Variants in DNAH8 observed in about 807,000 individuals in gnomAD.
DNAH8 encodes the protein dynein axonemal heavy chain 8.
DNAH8 carries 382 observed loss-of-function variants against 562.1 expected under a neutral mutation model. The ratio of observed to expected loss-of-function variants is 0.68; its 90% confidence interval spans 0.63 to 0.74. The LOEUF (loss-of-function observed/expected upper bound fraction) is 0.74. Among genes scored for constraint, DNAH8 ranks in the 30% least tolerant of loss-of-function variants. The probability of loss-of-function intolerance (pLI) is 0.00; values close to 1 mark genes in which losing one functional copy is unlikely to be tolerated. For synonymous variants in DNAH8, 1,881 were observed against 1,919.4 expected (o/e 0.98, Z 0.52); for missense variants, 5,203 against 5,620.4 (o/e 0.93, Z 2.37).
chr6:38,769,488 A>G lies in DNAH8; in HGVS notation c.1618-925A>G, dbSNP rs146742804. 3.3e-3 allele frequency among the ~76,000 whole-genome samples: 486 copies of G among 149,130 alleles called. 3 individuals are homozygous for G. Among genetic ancestry groups the G allele is most frequent in the African/African-American group, 0.011 (452 of 41,326 alleles). ...GGAAAGAATGAGGCCAATTATTCTC[A>G]GATCTGAATATTTATAGGAATCACT... On this transcript the variant is annotated intron_variant, in intron 11 of 92. Coordinates refer to ENST00000327475, the MANE Select transcript of DNAH8 (RefSeq NM_001206927.2).
intron 55 of DNAH8, 39 bp downstream of exon 55, chr6:38,883,495 A>G: frequency 1.3e-6 from 2 of 1,558,610 alleles, no homozygotes; most frequent in Non-Finnish European, 1.7e-6. Context: ...TAAACATAAT[A>G]CATTTTAAAT....
intron 89 of DNAH8, among the ~76,000 whole-genome samples, chr6:39,009,940 A>C (rs560730431): frequency 6.6e-6 from 1 of 152,304 alleles, no homozygotes; most frequent in Non-Finnish European, 1.5e-5. Flanking sequence ...TATTGGTGTG[A>C]TCTTCAAAAA....
chr6:38,748,679 A>G (rs972921745), intron 8 of DNAH8, among the ~76,000 whole-genome samples: 31 of 151,468 alleles, frequency 2.0e-4, no homozygotes, highest in Non-Finnish European at 3.4e-4. Context: ...GCGTGAACCC[A>G]GGAGGTGGAG....
rs1402033581 is a variant in DNAH8 at position 38,908,086 on chromosome 6, G to C, written c.9479G>C (p.Arg3160Thr). The stretch of plus-strand genomic sequence containing the variant: ...TATGAATACTTCATTTCAAGATCAA[G>C]GAAGAACTTACATGTTGTTCTCTGC... ...NLYEYFISRS[R>T]KNLHVVLCFS... is the part of the protein sequence containing the mutation. Residue 3160 changes from arginine to threonine, a missense_variant, in exon 64 of 93, where the codon AGG becomes ACG. Physicochemically the swap from Arg to Thr is moderately conservative, Grantham distance 71. Transcript: ENST00000327475. 3 of 1,598,304 alleles carry C rather than the reference G, an allele frequency of 1.9e-6. No individual in the cohort carries two copies. Among genetic ancestry groups the C allele is most frequent in the Non-Finnish European group, 2.6e-6 (3 of 1,173,740 alleles).
At chr6:38,814,445 G>T (rs1455202763) in intron 25 of DNAH8, among the ~76,000 whole-genome samples, 2 of 152,270 alleles carry the variant, frequency 1.3e-5, no homozygotes, top group East Asian at 1.9e-4. Flanking sequence ...GCCAGTTGTG[G>T]TGGTAGGTGC....
intron 73 of DNAH8, 109 bp from the exon 74 acceptor site, chr6:38,925,946 G>A: frequency 9.1e-7 from 1 of 1,096,394 alleles, no homozygotes; most frequent in Non-Finnish European, 1.2e-6. Flanking sequence ...TAGTCTCAAA[G>A]GAAAATAATG....
In DNAH8 at chr6:38,865,579, T is replaced by C. The variant is rs1233276292; in HGVS notation, c.6499-1012T>C. On this transcript the variant is annotated intron_variant, in intron 45 of 92. Transcript: ENST00000327475. ...AAGGTCACCTTATGAACCAAGATGCTACAGAAAGCATCTCTATTGTGTTGC... is the reference window on the plus strand; with the variant it reads ...AAGGTCACCTTATGAACCAAGATGCCACAGAAAGCATCTCTATTGTGTTGC... 2.0e-5 allele frequency among the ~76,000 whole-genome samples: 3 copies of C among 152,246 alleles called. No individual in the cohort carries two copies. The East Asian group carries it at 5.8e-4, about 29-fold the overall frequency.
intron 91 of DNAH8, 65 bp downstream of exon 91, chr6:39,012,702 G>A (rs1053473725): frequency 1.6e-6 from 2 of 1,258,938 alleles, no homozygotes; most frequent in African/African-American, 1.5e-5. Flanking sequence ...AGCATCGTGT[G>A]ATAAATATAT....
chr6:38,931,662 T>C, intron 75 of DNAH8, 149 bp from the exon 76 acceptor site: 2 of 471,050 alleles, frequency 4.2e-6, no homozygotes, highest in Non-Finnish European at 7.6e-6. Flanking sequence ...GGCTTTATTA[T>C]TTAAGATCAG....
At chr6:38,731,429 C>G (rs1192112935) in intron 4 of DNAH8, among the ~76,000 whole-genome samples, 1 of 152,168 alleles carries the variant, frequency 6.6e-6, no homozygotes, top group Non-Finnish European at 1.5e-5. Flanking sequence ...TTTATCCAAT[C>G]AAAATGTTAA....
intron 66 of DNAH8, among the ~76,000 whole-genome samples, chr6:38,912,799 T>C (rs1308453313): frequency 3.3e-5 from 5 of 151,976 alleles, no homozygotes; most frequent in Non-Finnish European, 7.4e-5. Context: ...CCCTTCTTAG[T>C]TTTACTCTTT....
chr6:38,909,264 G>A (rs1269178570), intron 64 of DNAH8, among the ~76,000 whole-genome samples: 8 of 152,174 alleles, frequency 5.3e-5, no homozygotes, highest in Non-Finnish European at 7.3e-5. Context: ...AAGAGTACTA[G>A]TTTATCAGTT....
At position 38,913,963 on chromosome 6, in the gene DNAH8, A is replaced by G; in HGVS notation, c.9963+11A>G. Reference sequence around the variant, plus strand: ...ATAAAAGCAGACGAAGTGAGTTTGCATTTATTTTATCACTGATGAGGAATA... The same window carrying G: ...ATAAAAGCAGACGAAGTGAGTTTGCGTTTATTTTATCACTGATGAGGAATA... On this transcript the variant is annotated intron_variant, in intron 67 of 92. Coordinates refer to ENST00000327475, the MANE Select transcript of DNAH8 (RefSeq NM_001206927.2). 1.9e-6 allele frequency: 3 copies of G among 1,592,276 alleles called. No homozygotes were observed. The highest frequency in any genetic ancestry group is 1.7e-6 in the Non-Finnish European group (2 of 1,160,852).
At chr6:38,715,958 A>ATTTT (rs1454056787) in intron 1 of DNAH8, among the ~76,000 whole-genome samples, 1 of 31,048 alleles carries the variant, frequency 3.2e-5, no homozygotes, top group African/African-American at 2.2e-4. Flanking sequence ...ATATATATAT[A>ATTTT]TATTTTTTTT....
rs760891010 is a variant in DNAH8, at chr6:38,921,353, G to A, written c.10525-16G>A. 22 of 1,610,674 alleles carry A rather than the reference G, an allele frequency of 1.4e-5. No individual in the cohort carries two copies. The highest frequency in any genetic ancestry group is 5.5e-5 in the South Asian group (5 of 90,310). On this transcript the variant is annotated splice_polypyrimidine_tract_variant and intron_variant, in intron 70 of 92. Transcript: ENST00000327475. Reference sequence around the variant, plus strand: ...TTCATGCAGCTAATACACTAACCACGTCTTCTTCTTTTCAGGCCAACCTGG... The same window carrying A: ...TTCATGCAGCTAATACACTAACCACATCTTCTTCTTTTCAGGCCAACCTGG...
chr6:38,888,688 C>A (rs1779128683), intron 57 of DNAH8, among the ~76,000 whole-genome samples: 1 of 152,154 alleles, frequency 6.6e-6, no homozygotes, highest in Non-Finnish European at 1.5e-5. Context: ...CAAGCGATAC[C>A]ATTTCATACC....
chr6:38,966,659 A>G (rs143442700), intron 82 of DNAH8, among the ~76,000 whole-genome samples: 104 of 152,340 alleles, frequency 6.8e-4, no homozygotes, highest in African/African-American at 2.2e-3. Context: ...TCCCAGGAGT[A>G]TGAGATTGGT....
At chr6:38,797,014 A>G (rs950855468) in intron 21 of DNAH8, among the ~76,000 whole-genome samples, 1 of 152,216 alleles carries the variant, frequency 6.6e-6, no homozygotes, top group Non-Finnish European at 1.5e-5. Context: ...CGATAGATCT[A>G]CCAATGGAAT....
Position 38,827,733 on chromosome 6 carries a change from CTTTTTTTTTTTTTTTTTTTTTTTTT to C in DNAH8, c.4084-437_4084-413del, listed in dbSNP as rs562852660. ...TGCAAAAGCTTAATTCTTTACCAAACTTTTTTTTTTTTTTTTTTTTTTTTTTTTTTTTTTTTTTGGTGAAGACAAT... is the reference window on the plus strand; with the variant it reads ...TGCAAAAGCTTAATTCTTTACCAAACTTTTTTTTTTTTTGGTGAAGACAAT... On this transcript the variant is annotated intron_variant, in intron 29 of 92. Coordinates refer to ENST00000327475, the MANE Select transcript of DNAH8 (RefSeq NM_001206927.2). Among the ~76,000 whole-genome samples, 25 of 52,244 alleles carry C rather than the reference CTTTTTTTTTTTTTTTTTTTTTTTTT, an allele frequency of 4.8e-4. 4 individuals carry two copies. The highest frequency in any genetic ancestry group is 1.6e-3 in the African/African-American group (22 of 13,896). 34.3% of individuals were successfully genotyped at this position (52,244 alleles called of 152,430 possible). A position where few individuals can be genotyped will look rare whatever the true frequency, so the allele number is the denominator to read the frequency against.
Sources: allele counts gnomAD v4.1 joint callset (sites outside exome capture counted in the v4.1 genomes callset), GRCh38; gene constraint gnomAD v4.1.1; transcripts MANE v1.5; gene names NCBI Gene and HGNC (gene_info 2026-07-23, HGNC 2026-07-21).